The following GABRQ variants were observed in gnomAD, a reference collection of about 807,000 sequenced individuals.
The protein encoded by GABRQ is gamma-aminobutyric acid type A receptor subunit theta, also known as gamma-aminobutyric acid receptor subunit theta.
GABRQ carries 19 observed loss-of-function variants against 30.5 expected under a neutral mutation model. That is an observed-to-expected ratio of 0.62 (90% confidence interval 0.43 to 0.91). The LOEUF (loss-of-function observed/expected upper bound fraction) is 0.91, where lower values mean the gene tolerates loss of function less well. Ranked by LOEUF, GABRQ falls within the 40% of genes least tolerant of loss-of-function variation. The pLI, the probability that GABRQ is intolerant of heterozygous loss-of-function variation, is 0.00. For synonymous variants in GABRQ, 187 were observed against 210.2 expected (o/e 0.89, Z 0.95); for missense variants, 520 against 521.4 (o/e 1.00, Z 0.03).
downstream of GABRQ, among the ~76,000 whole-genome samples, chrX:152,658,479 G>C (rs782630310): frequency 1.2e-3 from 133 of 112,098 alleles, no homozygotes; most frequent in East Asian, 5.7e-4. Flanking sequence ...GTACAAAGTG[G>C]GGAAGGGGCG....
rs1930658715 is a variant in GABRQ, at chrX:152,638,230, G to T, written c.28G>T (p.Ala10Ser). The change falls in exon 1 of 9, where the codon GCA (alanine) becomes TCA (serine). Residue 10 changes from alanine (A) to serine (S), a missense_variant. Coordinates refer to ENST00000598523, the MANE Select transcript of GABRQ (RefSeq NM_018558.4). ...GGGCATCCGAGGCATGCTGCGAGCC[G>T]CAGTGATCCTGCTGCTCATCAGGAC... MGIRGMLRA[A>S]VILLLIRTWL... The T allele has an allele frequency of 1.7e-6, 2 of 1,209,993 alleles. No homozygotes were observed. Among genetic ancestry groups the T allele is most frequent in the African/African-American group, 3.5e-5 (2 of 57,611 alleles).
At chrX:152,639,988 G>A (rs375945451) in intron 1 of GABRQ, among the ~76,000 whole-genome samples, 2 of 111,743 alleles carry the variant, frequency 1.8e-5, no homozygotes, top group African/African-American at 6.5e-5. Context: ...CAGCGTCGAG[G>A]CTGATTGCAA....
rs1244723098 is a variant in GABRQ at position 152,647,279 on chromosome X, C to T, written c.527+111C>T. On this transcript the variant is annotated intron_variant, in intron 4 of 8. Transcript: ENST00000598523. ...AAAGGCACCCACTGCTTTCCAAACCCGTCTTGAACTTCCCCCTTCACTCGT... is the reference window on the plus strand; with the variant it reads ...AAAGGCACCCACTGCTTTCCAAACCTGTCTTGAACTTCCCCCTTCACTCGT... 6 of 534,918 alleles carry T rather than the reference C, an allele frequency of 1.1e-5. No individual in the cohort carries two copies. In the East Asian group the frequency reaches 1.4e-4, roughly 13 times the overall value. 44.1% of individuals were successfully genotyped at this position (534,918 alleles called of 1,213,427 possible).
intron 7 of GABRQ, 107 bp downstream of exon 7, chrX:152,650,687 C>T: frequency 1.7e-6 from 1 of 576,304 alleles, no homozygotes; most frequent in Non-Finnish European, 2.9e-6. Flanking sequence ...ACTACACAGG[C>T]AAGGAAATAA....
intron 2 of GABRQ, among the ~76,000 whole-genome samples, chrX:152,644,051 A>ATT (rs1930822870): frequency 8.9e-6 from 1 of 112,230 alleles, no homozygotes; most frequent in African/African-American, 3.2e-5. Context: ...ACGTGCAAAC[A>ATT]TGCTCACACA....
chrX:152,651,768 G>A lies in GABRQ; in HGVS notation c.1144G>A (p.Val382Ile). 1 of 1,211,167 alleles carries A rather than the reference G, an allele frequency of 8.3e-7. No individual in the cohort carries two copies. The change falls in exon 8 of 9, where the codon GTA (valine) becomes ATA (isoleucine). Residue 382 changes from valine (V) to isoleucine (I), a missense_variant. Physicochemically the swap from Val to Ile is conservative, Grantham distance 29 (BLOSUM62 3). Coordinates refer to ENST00000598523, the MANE Select transcript of GABRQ (RefSeq NM_018558.4). ...IARYRYQQVV[V>I]GNVQDGLINV... The stretch of plus-strand genomic sequence containing the variant: ...CCGCTACCGCTACCAGCAAGTGGTG[G>A]TAGGAAACGTGCAGGTTTGACTTTT...
intron 1 of GABRQ, among the ~76,000 whole-genome samples, chrX:152,639,405 A>C (rs782297340): frequency 6.5e-5 from 6 of 92,183 alleles, no homozygotes; most frequent in Admixed American, 1.1e-4. Flanking sequence ...CACACACACA[A>C]ACACACACAT....
Position 152,653,216 on chromosome X carries a change from C to T in GABRQ, c.1834C>T (p.Arg612Trp), listed in dbSNP as rs782535216. The T allele has an allele frequency of 3.1e-5, 37 of 1,203,798 alleles. No individual in the cohort carries two copies. Among genetic ancestry groups the T allele is most frequent in the African/African-American group, 5.3e-5 (3 of 56,894 alleles). The change falls in exon 9 of 9, where the codon CGG (arginine) becomes TGG (tryptophan). Residue 612 changes from arginine to tryptophan, a missense_variant. Transcript: ENST00000598523. ...DYVPKVDKWS[R>W]FLFPLAFGLF... ...CGTCCCAAAGGTCGACAAGTGGTCCCGGTTCCTCTTCCCTCTGGCCTTTGG... is the reference window on the plus strand; with the variant it reads ...CGTCCCAAAGGTCGACAAGTGGTCCTGGTTCCTCTTCCCTCTGGCCTTTGG...
At position 152,653,424 on chromosome X, in the gene GABRQ, A is replaced by C; in HGVS notation, c.*143A>C. 1 of 462,599 alleles carries C rather than the reference A, an allele frequency of 2.2e-6. No individual in the cohort carries two copies. The highest frequency in any genetic ancestry group is 3.7e-6 in the Non-Finnish European group (1 of 270,774). 38.1% of individuals were successfully genotyped at this position (462,599 alleles called of 1,213,427 possible). ...TAAGTTCATACTTCTCTTTATAAAC[A>C]TGAGGTGGGGAGTAATTGGAAAGAA... is the stretch of plus-strand genomic sequence containing the variant. On this transcript the variant is annotated 3_prime_UTR_variant, in exon 9 of 9. Transcript: ENST00000598523.
At chrX:152,643,683 A>G (rs1930810568) in intron 2 of GABRQ, among the ~76,000 whole-genome samples, 1 of 112,429 alleles carries the variant, frequency 8.9e-6, no homozygotes, top group Non-Finnish European at 1.9e-5. Flanking sequence ...GCAGAAGTGC[A>G]CTAACACAAA....
rs199710373 is a variant in GABRQ, at chrX:152,639,378, G to GCACACACACACACACACACA, written c.150-993_150-974dup. Reference sequence around the variant, plus strand: ...ACTGAACATGCACACATGCGCGTGCGCACACACACACACACACACACACAC... The same window carrying GCACACACACACACACACACA: ...ACTGAACATGCACACATGCGCGTGCGCACACACACACACACACACACACACACACACACACACACACACAC... On this transcript the variant is annotated intron_variant, in intron 1 of 8. Coordinates refer to ENST00000598523, the MANE Select transcript of GABRQ (RefSeq NM_018558.4). Among the ~76,000 whole-genome samples, 22 of 103,346 alleles carry GCACACACACACACACACACA rather than the reference G, an allele frequency of 2.1e-4. 1 individual carries two copies. Among genetic ancestry groups the GCACACACACACACACACACA allele is most frequent in the African/African-American group, 7.2e-4 (20 of 27,826 alleles). The allele number at this position is 103,346 out of a possible 115,157, so 89.7% of individuals were successfully genotyped here.
intron 2 of GABRQ, 148 bp downstream of exon 2, chrX:152,640,614 A>G: frequency 1.9e-6 from 1 of 531,695 alleles, no homozygotes; most frequent in Non-Finnish European, 3.4e-6. Context: ...GACTCTGCAG[A>G]GACCAGCAAG....
chrX:152,652,843 A>AGCCCATGGCCATGGTGTT lies in GABRQ; in HGVS notation c.1462_1479dup (p.Ala488_Val493dup), dbSNP rs782755581. 3 of 1,210,737 alleles carry AGCCCATGGCCATGGTGTT rather than the reference A, an allele frequency of 2.5e-6. No individual in the cohort carries two copies. The highest frequency in any genetic ancestry group is 3.4e-6 in the Non-Finnish European group (3 of 894,191). ...CTACCGAAATCCGCAACCGTGTCGA[A>AGCCCATGGCCATGGTGTT]GCCCATGGCCATGGTGTTACCCATG... On this transcript the variant is annotated inframe_insertion, in exon 9 of 9. Transcript: ENST00000598523.
intron 7 of GABRQ, 65 bp downstream of exon 7, chrX:152,650,645 A>G: frequency 1.2e-6 from 1 of 853,122 alleles, no homozygotes; most frequent in Non-Finnish European, 1.7e-6. Context: ...AGTTGAGAGT[A>G]AGGAAAAAGT....
chrX:152,649,110 C>A (rs886257926), intron 4 of GABRQ, 141 bp from the exon 5 acceptor site: 7 of 484,322 alleles, frequency 1.4e-5, no homozygotes, highest in African/African-American at 1.4e-4. Flanking sequence ...TACTTTGTCA[C>A]AAACAAATTT....
In GABRQ at chrX:152,638,225, G is replaced by A. The variant is rs1556817722; in HGVS notation, c.23G>A (p.Arg8Gln). 2.5e-6 allele frequency: 3 copies of A among 1,210,299 alleles called. No homozygotes were observed. The highest frequency in any genetic ancestry group is 1.7e-5 in the African/African-American group (1 of 57,590). The change falls in exon 1 of 9, where the codon CGA becomes CAA. Residue 8 changes from arginine to glutamine, a missense_variant. Transcript: ENST00000598523. ...GCCATGGGCATCCGAGGCATGCTGC[G>A]AGCCGCAGTGATCCTGCTGCTCATC... MGIRGML[R>Q]AAVILLLIRT...
intron 4 of GABRQ, 27 bp from the exon 5 acceptor site, chrX:152,649,224 C>T: frequency 4.8e-6 from 5 of 1,036,356 alleles, no homozygotes; most frequent in Non-Finnish European, 4.1e-6. Flanking sequence ...CACTCACTTT[C>T]TCCTTCCTTT....
Position 152,638,297 on chromosome X carries a change from T to A in GABRQ, c.95T>A (p.Phe32Tyr). ...EGNYPSPIPK[F>Y]HFEFSSAVPE... ...AACTACCCCAGTCCCATCCCGAAAT[T>A]CCACTTCGAGTTCTCCTCTGCTGTG... Residue 32 changes from phenylalanine to tyrosine, a missense_variant, in exon 1 of 9, where the codon TTC (phenylalanine) becomes TAC (tyrosine). Phe to Tyr is a conservative substitution (Grantham distance 22). Coordinates refer to ENST00000598523, the MANE Select transcript of GABRQ (RefSeq NM_018558.4). 8.3e-7 allele frequency: 1 copy of A among 1,211,244 alleles called. No homozygotes were observed. Among genetic ancestry groups the A allele is most frequent in the Non-Finnish European group, 1.1e-6 (1 of 894,660 alleles).
chrX:152,652,330 C>G (rs781803853), intron 8 of GABRQ, among the ~76,000 whole-genome samples: 4 of 113,066 alleles, frequency 3.5e-5, no homozygotes, highest in African/African-American at 9.6e-5. Context: ...TTGGCAGCCT[C>G]CATAGCCTTC....
Sources: allele counts gnomAD v4.1 joint callset (sites outside exome capture counted in the v4.1 genomes callset), GRCh38; gene constraint gnomAD v4.1.1; transcripts MANE v1.5; gene names NCBI Gene and HGNC (gene_info 2026-07-23, HGNC 2026-07-21).